Variants in IFT74 observed in about 807,000 individuals in gnomAD.
IFT74 encodes the protein intraflagellar transport protein 74 homolog.
In IFT74, 92 loss-of-function variants were observed where a neutral mutation model predicts 96.7. That is an observed-to-expected ratio of 0.95 (90% CI 0.80 to 1.13). The LOEUF is 1.13. IFT74 is among the 50% of genes most tolerant of loss of function. The pLI is 0.00. For missense variants in IFT74, 811 were observed against 698.2 expected (o/e 1.16, Z -1.82); for synonymous variants, 223 against 213.2 (o/e 1.05, Z -0.40).
chr9:26,950,730 ACTGT>A (rs1825907088), intron 1 of IFT74, among the ~76,000 whole-genome samples: 1 of 152,202 alleles, frequency 6.6e-6, no homozygotes, highest in South Asian at 2.1e-4. Flanking sequence ...TTCATGAATC[ACTGT>A]CTGCTCAACT....
chr9:27,009,308 G>A lies in IFT74; in HGVS notation c.726+150G>A, dbSNP rs183298332. The A allele has an allele frequency of 7.7e-4, 421 of 544,420 alleles. 1 individual carries two copies. The East Asian group carries it at 0.013, about 16-fold the overall frequency. The allele number at this position is 544,420 out of a possible 1,614,324, so 33.7% of individuals were successfully genotyped here. A position where few individuals can be genotyped will look rare whatever the true frequency, so the allele number is the denominator to read the frequency against. On this transcript the variant is annotated intron_variant, in intron 9 of 19. Transcript: ENST00000380062. ...AACAAGGTCCCCATCTGATTCATAC[G>A]TATATTCACATTTCAGAAGAATTTA...
intron 8 of IFT74, among the ~76,000 whole-genome samples, chr9:27,007,856 G>C (rs560922273): frequency 6.6e-6 from 1 of 152,196 alleles, no homozygotes; most frequent in Non-Finnish European, 1.5e-5. Flanking sequence ...GTTCAATCCA[G>C]CTTTTTATAA....
chr9:27,052,588 T>A, intron 16 of IFT74, among the ~76,000 whole-genome samples: 1 of 151,998 alleles, frequency 6.6e-6, no homozygotes, highest in East Asian at 1.9e-4. Flanking sequence ...AAAACTGGCT[T>A]CAATGGAGAT....
chr9:27,032,664 G>A (rs1197794877), intron 13 of IFT74, among the ~76,000 whole-genome samples: 5 of 151,852 alleles, frequency 3.3e-5, no homozygotes, highest in Non-Finnish European at 7.4e-5. Context: ...TCAGGAGTTC[G>A]AGACCAGCCT....
intron 13 of IFT74, among the ~76,000 whole-genome samples, chr9:27,034,711 G>A (rs1379137846): frequency 6.6e-6 from 1 of 152,132 alleles, no homozygotes; most frequent in Non-Finnish European, 1.5e-5. Context: ...TGTATTTTTA[G>A]TAGAGATGGG....
intron 7 of IFT74, 114 bp downstream of exon 7, chr9:26,988,842 C>A: frequency 1.0e-6 from 1 of 955,486 alleles, no homozygotes; most frequent in Non-Finnish European, 1.4e-6. Flanking sequence ...GTGAATATTA[C>A]TCTGATTGTA....
chr9:27,008,685 C>G (rs1303886717), intron 8 of IFT74, among the ~76,000 whole-genome samples: 2 of 151,956 alleles, frequency 1.3e-5, no homozygotes, highest in African/African-American at 4.8e-5. Flanking sequence ...GAAGGTATAA[C>G]TTTAAAAAAG....
chr9:26,977,886 A>T (rs765156545), intron 2 of IFT74, among the ~76,000 whole-genome samples: 1 of 152,264 alleles, frequency 6.6e-6, no homozygotes, highest in Non-Finnish European at 1.5e-5. Context: ...TAATGTCTAC[A>T]TATAGAATTT....
At chr9:27,001,468 C>A (rs536528259) in intron 8 of IFT74, among the ~76,000 whole-genome samples, 5 of 152,044 alleles carry the variant, frequency 3.3e-5, no homozygotes. Flanking sequence ...CACCAGCATC[C>A]GTTATTGCCT....
At chr9:27,056,557 T>C (rs1316792690) in intron 18 of IFT74, 98 bp downstream of exon 18, 1 of 1,042,394 alleles carries the variant, frequency 9.6e-7, no homozygotes, top group Non-Finnish European at 1.4e-6. Context: ...ATATACCTTC[T>C]AGATTTTCTG....
At chr9:27,056,228 G>T (rs1820151106) in intron 17 of IFT74, 106 bp from the exon 18 acceptor site, 1 of 856,908 alleles carries the variant, frequency 1.2e-6, no homozygotes, top group Non-Finnish European at 1.8e-6. Flanking sequence ...TTATAGCCTT[G>T]ATATAATTTT....
Position 27,065,408 on chromosome 9 carries a change from C to G in IFT74, c.*2672C>G, listed in dbSNP as rs918950682. 3.3e-5 allele frequency among the ~76,000 whole-genome samples: 5 copies of G among 152,122 alleles called. No individual in the cohort carries two copies. The highest frequency in any genetic ancestry group is 9.7e-5 in the African/African-American group (4 of 41,426). Reference sequence around the variant, plus strand: ...GGGGGTTCCATTCATGCTAAAATAACACCTTGTAAGTCACATGGAAAGAAG... The same window carrying G: ...GGGGGTTCCATTCATGCTAAAATAAGACCTTGTAAGTCACATGGAAAGAAG... On this transcript the variant is annotated 3_prime_UTR_variant, in exon 20 of 20. Transcript: ENST00000380062.
chr9:27,027,039 T>C (rs1829897579), intron 12 of IFT74, among the ~76,000 whole-genome samples: 1 of 152,104 alleles, frequency 6.6e-6, no homozygotes, highest in South Asian at 2.1e-4. Context: ...AAGCTGGTTC[T>C]TTGAAAAGAT....
chr9:26,987,938 G>GT (rs1369036555), intron 6 of IFT74, among the ~76,000 whole-genome samples: 1 of 151,724 alleles, frequency 6.6e-6, no homozygotes, highest in African/African-American at 2.4e-5. Context: ...GTGTAAATTT[G>GT]TTTTTTGTTG....
intron 16 of IFT74, among the ~76,000 whole-genome samples, chr9:27,051,570 A>G (rs1819925150): frequency 1.3e-5 from 2 of 152,174 alleles, no homozygotes; most frequent in Admixed American, 1.3e-4. Context: ...CTCCTGAATA[A>G]CAACTCCATA....
rs1443188890 is a variant in IFT74 at position 27,065,045 on chromosome 9, C to T, written c.*2309C>T. ...CTCTAGAACTGAACCAATCTTTACG[C>T]AGAAAGAAAGTAGGAGGAAGATTGG... On this transcript the variant is annotated 3_prime_UTR_variant, in exon 20 of 20. Coordinates refer to ENST00000380062, the MANE Select transcript of IFT74 (RefSeq NM_025103.4). Among the ~76,000 whole-genome samples, 1 of 151,976 alleles carries T rather than the reference C, an allele frequency of 6.6e-6. No homozygotes were observed. The highest frequency in any genetic ancestry group is 1.5e-5 in the Non-Finnish European group (1 of 67,964).
At chr9:27,032,515 C>G (rs983550314) in intron 13 of IFT74, among the ~76,000 whole-genome samples, 1 of 151,996 alleles carries the variant, frequency 6.6e-6, no homozygotes, top group Non-Finnish European at 1.5e-5. Context: ...CATCCTCATG[C>G]TTTCATTAAC....
intron 2 of IFT74, among the ~76,000 whole-genome samples, chr9:26,964,440 G>A (rs1291329821): frequency 8.2e-4 from 120 of 145,968 alleles, no homozygotes; most frequent in African/African-American, 2.1e-3. Context: ...TTGACTTGGC[G>A]ATGCGGGCTC....
intron 13 of IFT74, among the ~76,000 whole-genome samples, chr9:27,030,350 C>T (rs2131645281): frequency 6.6e-6 from 1 of 152,110 alleles, no homozygotes; most frequent in East Asian, 1.9e-4. Flanking sequence ...TCTCAGCCTC[C>T]TGAGTAGCTG....
Sources: gnomAD v4.1 joint callset for allele counts (sites outside exome capture counted in the v4.1 genomes callset) on GRCh38, gnomAD v4.1.1 for gene constraint, MANE v1.5 for transcripts, NCBI Gene and HGNC (gene_info 2026-07-23, HGNC 2026-07-21) for gene names.